The following LRP12 variants were observed in gnomAD, a reference collection of about 807,000 sequenced individuals.
LRP12 encodes the protein low-density lipoprotein receptor-related protein 12.
In LRP12, 14 loss-of-function variants were observed where a neutral mutation model predicts 66.0. The ratio of observed to expected loss-of-function variants is 0.21; its 90% CI spans 0.14 to 0.33. LRP12 has a LOEUF of 0.33. LRP12 is among the 10% of genes least tolerant of loss of function. The probability of loss-of-function intolerance (pLI) is 1.00; values close to 1 mark genes in which losing one functional copy is unlikely to be tolerated. For synonymous variants in LRP12, 357 were observed against 359.1 expected, an observed-to-expected ratio of 0.99 and a Z score of 0.07; for missense variants, 889 against 1,053.4, an observed-to-expected ratio of 0.84 and a Z score of 2.16.
intron 1 of LRP12, among the ~76,000 whole-genome samples, chr8:104,540,362 G>A (rs922438510): frequency 1.1e-4 from 17 of 152,090 alleles, no homozygotes; most frequent in South Asian, 4.2e-4. Context: ...TATTGTTATG[G>A]TAGTCCAAAT....
At chr8:104,586,053 G>A (rs536884970) in intron 1 of LRP12, among the ~76,000 whole-genome samples, 1 of 152,196 alleles carries the variant, frequency 6.6e-6, no homozygotes, top group Non-Finnish European at 1.5e-5. Flanking sequence ...ACTTTCAAAG[G>A]TGGCAGAGGT....
At chr8:104,555,193 C>G (rs1811786202) in intron 1 of LRP12, among the ~76,000 whole-genome samples, 1 of 152,032 alleles carries the variant, frequency 6.6e-6, no homozygotes, top group South Asian at 2.1e-4. Context: ...CTCAAAGGAC[C>G]TATAAAACAC....
At chr8:104,538,181 TAA>T (rs1301702227) in intron 1 of LRP12, among the ~76,000 whole-genome samples, 1 of 152,218 alleles carries the variant, frequency 6.6e-6, no homozygotes, top group African/African-American at 2.4e-5. Context: ...AGGGCATTGT[TAA>T]AAAGAGAAAA....
intron 1 of LRP12, among the ~76,000 whole-genome samples, chr8:104,570,853 GA>G (rs1303672783): frequency 6.6e-5 from 10 of 151,832 alleles, no homozygotes; most frequent in South Asian, 2.1e-4. Flanking sequence ...TCAGAGGGGG[GA>G]AAAATATATA....
chr8:104,525,299 C>T (rs1049366955), intron 2 of LRP12, among the ~76,000 whole-genome samples: 1 of 151,848 alleles, frequency 6.6e-6, no homozygotes, highest in Non-Finnish European at 1.5e-5. Flanking sequence ...TATTATTTCC[C>T]ATTATATAAC....
chr8:104,575,686 G>T (rs1330182816), intron 1 of LRP12, among the ~76,000 whole-genome samples: 1 of 152,088 alleles, frequency 6.6e-6, no homozygotes, highest in Non-Finnish European at 1.5e-5. Flanking sequence ...ACCAGAGCAA[G>T]AACTCTGAAA....
chr8:104,539,494 A>C (rs1384598183), intron 1 of LRP12, among the ~76,000 whole-genome samples: 1 of 150,644 alleles, frequency 6.6e-6, no homozygotes, highest in Non-Finnish European at 1.5e-5. Flanking sequence ...AAATTTTTTA[A>C]ACAAAAAAAA....
chr8:104,516,608 C>A (rs1811075190), intron 2 of LRP12, among the ~76,000 whole-genome samples: 1 of 151,984 alleles, frequency 6.6e-6, no homozygotes, highest in Non-Finnish European at 1.5e-5. Context: ...CTGAAGACTT[C>A]TTGTTTTTAC....
At chr8:104,529,872 A>G (rs530901191) in intron 2 of LRP12, among the ~76,000 whole-genome samples, 161 of 152,314 alleles carry the variant, frequency 1.1e-3, no homozygotes, top group African/African-American at 3.5e-3. Context: ...ATTCACCATT[A>G]TCTGAAAAAG....
intron 1 of LRP12, among the ~76,000 whole-genome samples, chr8:104,548,720 G>A (rs972301657): frequency 1.1e-4 from 15 of 131,556 alleles, no homozygotes; most frequent in Middle Eastern, 3.9e-3. Flanking sequence ...GGAGGCAGGC[G>A]GATCACTTGA....
At position 104,588,970 on chromosome 8, in the gene LRP12, A is replaced by ACGCCGCCGCCGCCGCCGC. The variant is rs879237391; in HGVS notation, c.-91_-74dup. The stretch of plus-strand genomic sequence containing the variant: ...GAGAAGCTGGAGGTAGACGACGCCG[A>ACGCCGCCGCCGCCGCCGC]CGCCGCCGCCGCCGCCGCCGCCGCC... On this transcript the variant is annotated 5_prime_UTR_variant, in exon 1 of 7. Transcript: ENST00000276654. 1,675 of 600,986 alleles carry ACGCCGCCGCCGCCGCCGC rather than the reference A, an allele frequency of 2.8e-3. 20 individuals are homozygous for ACGCCGCCGCCGCCGCCGC. Among genetic ancestry groups the ACGCCGCCGCCGCCGCCGC allele is most frequent in the Admixed American group, 0.019 (449 of 23,204 alleles). 37.2% of individuals were successfully genotyped at this position (600,986 alleles called of 1,614,324 possible). A position where few individuals can be genotyped will look rare whatever the true frequency, so the allele number is the denominator to read the frequency against.
At chr8:104,508,480 G>C (rs1208761720) in intron 3 of LRP12, 3 of 152,200 alleles carry the variant, frequency 2.0e-5, no homozygotes, top group Non-Finnish European at 4.4e-5. Context: ...TCCATTATCA[G>C]TTTGTTTCAA....
intron 2 of LRP12, among the ~76,000 whole-genome samples, chr8:104,523,130 T>C (rs1811175808): frequency 6.6e-6 from 1 of 152,134 alleles, no homozygotes; most frequent in African/African-American, 2.4e-5. Flanking sequence ...TTGAACAACA[T>C]GGGTTTGAAT....
chr8:104,500,562 G>C (rs1269236295), intron 3 of LRP12, among the ~76,000 whole-genome samples: 1 of 152,158 alleles, frequency 6.6e-6, no homozygotes, highest in Non-Finnish European at 1.5e-5. Flanking sequence ...AATTAGCCGG[G>C]CATGATGGTA....
At chr8:104,514,051 A>G (rs538154827) in intron 2 of LRP12, among the ~76,000 whole-genome samples, 3 of 152,128 alleles carry the variant, frequency 2.0e-5, no homozygotes, top group Non-Finnish European at 4.4e-5. Flanking sequence ...GAAGAATACT[A>G]CAGGCGTTTT....
intron 1 of LRP12, among the ~76,000 whole-genome samples, chr8:104,561,643 A>G (rs920835236): frequency 2.6e-5 from 4 of 152,062 alleles, no homozygotes; most frequent in Admixed American, 6.6e-5. Flanking sequence ...GGTGGTGTGT[A>G]TTTGTGTTCC....
chr8:104,545,224 A>G (rs1308816168), intron 1 of LRP12, among the ~76,000 whole-genome samples: 1 of 152,182 alleles, frequency 6.6e-6, no homozygotes, highest in Non-Finnish European at 1.5e-5. Flanking sequence ...GAAAACTTTA[A>G]TGGATGAGGA....
chr8:104,523,974 G>A (rs544521196), intron 2 of LRP12, among the ~76,000 whole-genome samples: 3 of 151,930 alleles, frequency 2.0e-5, no homozygotes, highest in South Asian at 4.2e-4. Context: ...GCCTGGGCAC[G>A]GTGGCTCACA....
chr8:104,562,175 G>T (rs1811920590), intron 1 of LRP12, among the ~76,000 whole-genome samples: 1 of 151,970 alleles, frequency 6.6e-6, no homozygotes, highest in African/African-American at 2.4e-5. Flanking sequence ...TTAAAATAGG[G>T]CCCATCTTAT....
Sources: allele counts gnomAD v4.1 joint callset (sites outside exome capture counted in the v4.1 genomes callset), GRCh38; gene constraint gnomAD v4.1.1; transcripts MANE v1.5; gene names NCBI Gene and HGNC (gene_info 2026-07-23, HGNC 2026-07-21).